YAF2: variants seen among roughly 807,000 people sequenced by gnomAD.
YAF2 encodes the protein YY1-associated factor 2.
A neutral mutation model predicts 20.1 loss-of-function variants in YAF2; 7 were observed. The observed-to-expected ratio is 0.35, with a 90% CI of 0.20 to 0.65. The LOEUF is 0.65. Among genes scored for constraint, YAF2 ranks in the 30% least tolerant of loss-of-function variants. YAF2 has a pLI of 0.69. For missense variants in YAF2, 151 were observed against 219.2 expected (o/e 0.69, Z 1.96); for synonymous variants, 74 against 76.0 (o/e 0.97, Z 0.14).
intron 1 of YAF2, 185 bp from the exon 2 acceptor site, chr12:42,237,909 G>A: frequency 3.8e-6 from 2 of 524,838 alleles, no homozygotes; most frequent in Non-Finnish European, 5.0e-6. Flanking sequence ...GGGCGCGAGC[G>A]CGGCCGCAGT....
chr12:42,205,301 T>G (rs2067008752), intron 2 of YAF2, among the ~76,000 whole-genome samples: 1 of 152,102 alleles, frequency 6.6e-6, no homozygotes, highest in Non-Finnish European at 1.5e-5. Flanking sequence ...CTATTTTTCT[T>G]GGGTATTTCC....
chr12:42,161,578 T>G, intron 3 of YAF2, 35 bp downstream of exon 3: 1 of 1,542,256 alleles, frequency 6.5e-7, no homozygotes, highest in Non-Finnish European at 8.7e-7. Context: ...GGTTTTATTA[T>G]TTCAAAAATG....
intron 2 of YAF2, among the ~76,000 whole-genome samples, chr12:42,228,699 G>A (rs1158116513): frequency 2.1e-5 from 2 of 96,440 alleles, no homozygotes; most frequent in African/African-American, 9.8e-5. Flanking sequence ...CGCCCCGTCC[G>A]GGAGGTGAGG....
chr12:42,219,077 A>C (rs764229363), intron 2 of YAF2, among the ~76,000 whole-genome samples: 7 of 152,220 alleles, frequency 4.6e-5, no homozygotes, highest in Non-Finnish European at 7.3e-5. Flanking sequence ...ATGTTTTGCA[A>C]AACACCCTTA....
chr12:42,224,531 C>T (rs1054775255), intron 2 of YAF2, among the ~76,000 whole-genome samples: 7 of 152,042 alleles, frequency 4.6e-5, no homozygotes, highest in African/African-American at 1.7e-4. Context: ...TCCTCTAGCC[C>T]CCCACCCCGC....
intron 2 of YAF2, among the ~76,000 whole-genome samples, chr12:42,214,810 C>T (rs1289346191): frequency 6.6e-6 from 1 of 151,178 alleles, no homozygotes; most frequent in Admixed American, 6.6e-5. Flanking sequence ...TCGAGACCAG[C>T]CGGGCCAACA....
At chr12:42,166,022 G>A (rs891171995) in intron 2 of YAF2, among the ~76,000 whole-genome samples, 3 of 151,586 alleles carry the variant, frequency 2.0e-5, no homozygotes, top group East Asian at 1.9e-4. Context: ...AGCTTCAAGC[G>A]ATTCTCCTAC....
chr12:42,166,959 T>C (rs1176017125), intron 2 of YAF2, among the ~76,000 whole-genome samples: 1 of 152,216 alleles, frequency 6.6e-6, no homozygotes, highest in Non-Finnish European at 1.5e-5. Context: ...TGCCACCATT[T>C]TTCTGTTTTC....
chr12:42,183,742 G>T (rs753813082), intron 2 of YAF2, among the ~76,000 whole-genome samples: 3 of 152,204 alleles, frequency 2.0e-5, no homozygotes, highest in Non-Finnish European at 4.4e-5. Flanking sequence ...CTAGCTAAGA[G>T]AGTTGATAGA....
chr12:42,192,117 A>G (rs2066628648), intron 2 of YAF2, among the ~76,000 whole-genome samples: 1 of 152,186 alleles, frequency 6.6e-6, no homozygotes, highest in African/African-American at 2.4e-5. Flanking sequence ...AAATTTAGTA[A>G]GGCTGGAGAA....
At chr12:42,229,514 G>T (rs1157909958) in intron 2 of YAF2, among the ~76,000 whole-genome samples, 1 of 151,488 alleles carries the variant, frequency 6.6e-6, no homozygotes, top group Non-Finnish European at 1.5e-5. Context: ...TCTCTGCCCT[G>T]TAGGGCAGAT....
chr12:42,182,790 A>G (rs2066376828), intron 2 of YAF2, among the ~76,000 whole-genome samples: 2 of 152,238 alleles, frequency 1.3e-5, no homozygotes, highest in Non-Finnish European at 1.5e-5. Flanking sequence ...AAGAAACAGA[A>G]AGCATCCTAA....
At chr12:42,180,746 T>C (rs1271687992) in intron 2 of YAF2, among the ~76,000 whole-genome samples, 1 of 152,032 alleles carries the variant, frequency 6.6e-6, no homozygotes, top group Non-Finnish European at 1.5e-5. Flanking sequence ...GCCAGGAGTT[T>C]GAGACCAGCC....
intron 2 of YAF2, among the ~76,000 whole-genome samples, chr12:42,185,229 CAAG>C (rs1475401703): frequency 6.6e-6 from 1 of 152,120 alleles, no homozygotes; most frequent in African/African-American, 2.4e-5. Context: ...ATTAGTGGAA[CAAG>C]AAGATGTGAC....
chr12:42,236,893 AT>A (rs2068178812), intron 2 of YAF2, among the ~76,000 whole-genome samples: 1 of 152,222 alleles, frequency 6.6e-6, no homozygotes, highest in African/African-American at 2.4e-5. Flanking sequence ...ATTCAAAGTC[AT>A]TTTTTAAAAG....
chr12:42,190,319 G>A (rs1424352664), intron 2 of YAF2, among the ~76,000 whole-genome samples: 2 of 152,098 alleles, frequency 1.3e-5, no homozygotes, highest in Non-Finnish European at 2.9e-5. Flanking sequence ...ACTCCACCCT[G>A]GGCAACAGAG....
In YAF2 at chr12:42,188,015, A is replaced by G. The variant is rs1465585242; in HGVS notation, c.153-26250T>C. 2.0e-5 allele frequency among the ~76,000 whole-genome samples: 3 copies of G among 152,188 alleles called. No individual in the cohort carries two copies. In the South Asian group the frequency reaches 6.2e-4, roughly 32 times the overall value. The stretch of plus-strand genomic sequence containing the variant: ...CAAGCCTTCAGGTAACTGCAGCCTC[A>G]GCTGTTATCTTAGTTGCACCCTCAG... On this transcript the variant is annotated intron_variant, in intron 2 of 3. Transcript: ENST00000534854.
rs180969300 is a variant in YAF2 at position 42,157,179 on chromosome 12, T to C, written c.*3410A>G. On this transcript the variant is annotated 3_prime_UTR_variant, in exon 4 of 4. Transcript: ENST00000534854. ...GTCCAAGATCAGGGAGCCCATCTGA[T>C]GAGGGCCTCATGCTGCTTCAACTCA... 1 of 152,352 alleles carries C rather than the reference T, an allele frequency of 6.6e-6. No homozygotes were observed. Among genetic ancestry groups the C allele is most frequent in the Non-Finnish European group, 1.5e-5 (1 of 68,056 alleles). 9.4% of individuals were successfully genotyped at this position (152,352 alleles called of 1,614,324 possible).
At chr12:42,199,909 G>T (rs2066853725) in intron 2 of YAF2, among the ~76,000 whole-genome samples, 1 of 152,098 alleles carries the variant, frequency 6.6e-6, no homozygotes, top group Non-Finnish European at 1.5e-5. Flanking sequence ...AACAATTCAA[G>T]GTTATACAGT....
Sources: gnomAD v4.1 joint callset for allele counts (sites outside exome capture counted in the v4.1 genomes callset) on GRCh38, gnomAD v4.1.1 for gene constraint, MANE v1.5 for transcripts, NCBI Gene and HGNC (gene_info 2026-07-23, HGNC 2026-07-21) for gene names.